The following RIN3 variants were observed in gnomAD, a reference collection of about 807,000 sequenced individuals.
The protein encoded by RIN3 is RAB5 interacting protein 3.
A neutral mutation model predicts 76.3 loss-of-function variants in RIN3; 54 were observed. That is an observed-to-expected ratio of 0.71 (90% CI 0.57 to 0.89). The LOEUF is 0.89. Among genes scored for constraint, RIN3 ranks in the 40% least tolerant of loss-of-function variants. The pLI is 0.00. For missense variants in RIN3, 1,256 were observed against 1,322.1 expected (o/e 0.95, Z 0.78); for synonymous variants, 576 against 564.0 (o/e 1.02, Z -0.30).
chr14:92,651,497 G>A (rs1566886302), intron 5 of RIN3, 85 bp from the exon 6 acceptor site: 1 of 551,898 alleles, frequency 1.8e-6, no homozygotes, highest in African/African-American at 1.9e-5. Flanking sequence ...TCCCACCCGT[G>A]GACCCCGCCC....
At position 92,621,235 on chromosome 14, in the gene RIN3, C is replaced by CAAAAAAAAAAAA. The variant is rs572318532; in HGVS notation, c.440+5765_440+5776dup. Among the ~76,000 whole-genome samples the CAAAAAAAAAAAA allele has an allele frequency of 7.6e-3, 538 of 70,608 alleles. 54 individuals carry two copies. Among genetic ancestry groups the CAAAAAAAAAAAA allele is most frequent in the East Asian group, 0.023 (55 of 2,428 alleles). 46.3% of individuals were successfully genotyped at this position (70,608 alleles called of 152,430 possible). A position where few individuals can be genotyped will look rare whatever the true frequency, so the allele number is the denominator to read the frequency against. ...TGGGTGACAGAGCGAGACTCCGTCT[C>CAAAAAAAAAAAA]AAAAAAAAAAAAAAAAAAAAGAATT... On this transcript the variant is annotated intron_variant, in intron 4 of 9. Coordinates refer to ENST00000216487, the MANE Select transcript of RIN3 (RefSeq NM_024832.5).
At chr14:92,638,753 C>G in intron 4 of RIN3, among the ~76,000 whole-genome samples, 1 of 152,170 alleles carries the variant, frequency 6.6e-6, no homozygotes, top group East Asian at 1.9e-4. Context: ...CAGAAGACCT[C>G]AGGATGCAGC....
chr14:92,652,875 C>T lies in RIN3; in HGVS notation c.1826C>T (p.Ala609Val), dbSNP rs770243392. ...CTGTACAAGAAGGTGGTGGAGCTGG[C>T]GCAGGACAAGGGCTCGTACTTTGGC... ...RKLYKKVVEL[A>V]QDKGSYFGSL... Residue 609 changes from alanine (A) to valine (V), a missense_variant, in exon 6 of 10, where the codon GCG becomes GTG. This residue lies in a region of RIN3 where 428 missense variants were observed against 521.2 expected (regional missense o/e 0.82). Coordinates refer to ENST00000216487, the MANE Select transcript of RIN3 (RefSeq NM_024832.5). This position sits in a 1 kb window ranked among gnomAD's most constrained non-coding sequence, Gnocchi z 6.4. 1.8e-5 allele frequency: 29 copies of T among 1,613,958 alleles called. No individual in the cohort carries two copies. The South Asian group carries it at 2.0e-4, about 11-fold the overall frequency.
intron 2 of RIN3, among the ~76,000 whole-genome samples, chr14:92,569,064 C>T (rs1028884919): frequency 2.0e-5 from 3 of 152,212 alleles, no homozygotes; most frequent in African/African-American, 4.8e-5. Flanking sequence ...CGCCAGCTGC[C>T]GTTTTAACTT....
rs1245247076 is a variant in RIN3 at position 92,549,326 on chromosome 14, C to T, written c.45-6425C>T. On this transcript the variant is annotated intron_variant, in intron 1 of 9. Transcript: ENST00000216487. ...AAGTCTATACAGGAAGGCCTCGGTT[C>T]CCACCGTGAGGCTGCATTGGAACTC... Among the ~76,000 whole-genome samples the T allele has an allele frequency of 2.6e-5, 4 of 152,166 alleles. No homozygotes were observed. The South Asian group carries it at 8.3e-4, about 31-fold the overall frequency.
intron 8 of RIN3, among the ~76,000 whole-genome samples, chr14:92,677,177 G>C (rs1251065409): frequency 1.3e-5 from 2 of 152,144 alleles, no homozygotes; most frequent in Non-Finnish European, 2.9e-5. Context: ...TGAGTAAGAA[G>C]CCCTGTGCTC....
intron 6 of RIN3, among the ~76,000 whole-genome samples, chr14:92,658,670 A>T (rs1887761913): frequency 6.6e-6 from 1 of 152,210 alleles, no homozygotes; most frequent in South Asian, 2.1e-4. Flanking sequence ...TAGTAGCCAC[A>T]GAAGTGATAA....
At chr14:92,635,161 C>T (rs532496542) in intron 4 of RIN3, among the ~76,000 whole-genome samples, 4 of 152,338 alleles carry the variant, frequency 2.6e-5, no homozygotes, top group African/African-American at 9.6e-5. Context: ...ATAAGCCGTG[C>T]ATGGCAGCAC....
chr14:92,661,840 TATG>T (rs1887899891), intron 7 of RIN3, among the ~76,000 whole-genome samples: 1 of 152,000 alleles, frequency 6.6e-6, no homozygotes, highest in Non-Finnish European at 1.5e-5. Flanking sequence ...ATGTTGGAGA[TATG>T]ATGGGAAGAG....
Position 92,683,166 on chromosome 14 carries a change from TA to T in RIN3, c.2468-1810del, listed in dbSNP as rs553017495. Among the ~76,000 whole-genome samples the T allele has an allele frequency of 8.8e-3, 1,260 of 143,170 alleles. 19 individuals carry two copies. The highest frequency in any genetic ancestry group is 0.028 in the African/African-American group (1,095 of 39,128). 93.9% of individuals were successfully genotyped at this position (143,170 alleles called of 152,430 possible). A position where few individuals can be genotyped will look rare whatever the true frequency, so the allele number is the denominator to read the frequency against. ...TGGGCAACAAGAGCGAAACTCCATCTAAAAAAAAAAAGAAGAAAAAAATCGT... is the reference window on the plus strand; with the variant it reads ...TGGGCAACAAGAGCGAAACTCCATCTAAAAAAAAAAGAAGAAAAAAATCGT... On this transcript the variant is annotated intron_variant, in intron 8 of 9. Transcript: ENST00000216487.
chr14:92,632,731 A>G (rs1886633751), intron 4 of RIN3, among the ~76,000 whole-genome samples: 1 of 152,012 alleles, frequency 6.6e-6, no homozygotes, highest in Non-Finnish European at 1.5e-5. Flanking sequence ...CATATGGGAG[A>G]CTTGTGGCTC....
At chr14:92,639,557 C>T (rs1401483899) in intron 4 of RIN3, among the ~76,000 whole-genome samples, 5 of 152,162 alleles carry the variant, frequency 3.3e-5, no homozygotes, top group African/African-American at 1.2e-4. Context: ...AACACAGAAT[C>T]GGGACCACCC....
intron 4 of RIN3, among the ~76,000 whole-genome samples, chr14:92,617,575 G>A (rs1401532873): frequency 6.6e-6 from 1 of 152,174 alleles, no homozygotes; most frequent in Non-Finnish European, 1.5e-5. Flanking sequence ...ACCTTTGAGA[G>A]AATACAGCCC....
intron 2 of RIN3, 111 bp downstream of exon 2, chr14:92,556,066 C>A: frequency 1.2e-6 from 1 of 849,674 alleles, no homozygotes; most frequent in Non-Finnish European, 1.9e-6. Flanking sequence ...CAGATGACTG[C>A]ATGTTTATTT....
intron 3 of RIN3, among the ~76,000 whole-genome samples, chr14:92,600,573 C>T (rs976967356): frequency 3.3e-5 from 5 of 152,196 alleles, no homozygotes; most frequent in East Asian, 3.8e-4. Flanking sequence ...GAGGATGGAG[C>T]GTGATTCCTC....
intron 3 of RIN3, among the ~76,000 whole-genome samples, chr14:92,600,995 C>T (rs998660862): frequency 6.6e-6 from 1 of 152,170 alleles, no homozygotes; most frequent in South Asian, 2.1e-4. Flanking sequence ...TAGCCAGGGG[C>T]CACATGTGGC....
chr14:92,576,498 C>T (rs1898237077), intron 2 of RIN3: 1 of 972,686 alleles, frequency 1.0e-6, no homozygotes, highest in Admixed American at 2.4e-5. Flanking sequence ...TTGGGATCTG[C>T]ATGCAGAGGC....
At chr14:92,599,912 TG>T (rs1405763086) in intron 3 of RIN3, among the ~76,000 whole-genome samples, 3 of 152,210 alleles carry the variant, frequency 2.0e-5, no homozygotes, top group African/African-American at 7.2e-5. Flanking sequence ...TGGATATAAT[TG>T]CCTGGGAGCT....
chr14:92,651,959 G>GCCCCCC lies in RIN3; in HGVS notation c.915_916insCCCCCC (p.Pro305_Ala306insProPro). On this transcript the variant is annotated inframe_insertion, in exon 6 of 10. Coordinates refer to ENST00000216487, the MANE Select transcript of RIN3 (RefSeq NM_024832.5). ...CCAGCCCCCTGTGCTCCCTGCTCTT[G>GCCCCCC]CCCCCGCCCCTGCCTGTCCTTTGCC... The GCCCCCC allele has an allele frequency of 6.8e-7, 1 of 1,470,142 alleles. No homozygotes were observed. The highest frequency in any genetic ancestry group is 1.2e-5 in the South Asian group (1 of 81,564). 91.1% of individuals were successfully genotyped at this position (1,470,142 alleles called of 1,614,324 possible).
Sources: gnomAD v4.1 joint callset for allele counts (sites outside exome capture counted in the v4.1 genomes callset) on GRCh38, gnomAD v4.1.1 for gene constraint, gnomAD v4.1.1 regional missense constraint, Gnocchi (gnomAD v3.1) non-coding constraint, MANE v1.5 for transcripts, NCBI Gene and HGNC (gene_info 2026-07-23, HGNC 2026-07-21) for gene names.